NRG1: variants seen among roughly 807,000 people sequenced by gnomAD.
NRG1 encodes pro-neuregulin-1, membrane-bound isoform.
A neutral mutation model predicts 63.8 loss-of-function variants in NRG1; 18 were observed. The ratio of observed to expected loss-of-function variants is 0.28; its 90% confidence interval spans 0.19 to 0.42. NRG1 has a LOEUF of 0.42. NRG1 is among the 10% of genes least tolerant of loss of function. NRG1 has a pLI of 1.00. For missense variants in NRG1, 762 were observed against 814.7 expected (o/e 0.94, Z 0.79); for synonymous variants, 302 against 301.3 (o/e 1.00, Z -0.02).
intron 1 of NRG1, among the ~76,000 whole-genome samples, chr8:32,310,895 G>T (rs1856741438): frequency 6.6e-6 from 1 of 152,106 alleles, no homozygotes; most frequent in African/African-American, 2.4e-5. Flanking sequence ...TCATGTTTTA[G>T]CTCATGCTGT....
chr8:31,942,719 G>C (rs1029387203), intron 1 of NRG1, among the ~76,000 whole-genome samples: 3 of 152,032 alleles, frequency 2.0e-5, no homozygotes, highest in African/African-American at 4.8e-5. Context: ...TCATCAAAAA[G>C]TGGGCTAAAG....
intron 1 of NRG1, among the ~76,000 whole-genome samples, chr8:32,382,351 C>A (rs1251153909): frequency 2.0e-5 from 3 of 152,008 alleles, no homozygotes; most frequent in Admixed American, 6.6e-5. Context: ...ATTATACAAC[C>A]TGTGTAAAGC....
chr8:32,621,304 T>A (rs1848294421), intron 5 of NRG1, among the ~76,000 whole-genome samples: 1 of 152,366 alleles, frequency 6.6e-6, no homozygotes, highest in Non-Finnish European at 1.5e-5. Flanking sequence ...GACTAAAAAC[T>A]TATAAATAAT....
In NRG1 at chr8:31,736,359, A is replaced by G. The variant is rs182321927; in HGVS notation, c.37+96928A>G. 1.1e-4 allele frequency among the ~76,000 whole-genome samples: 17 copies of G among 152,256 alleles called. No homozygotes were observed. The East Asian group carries it at 3.3e-3, about 29-fold the overall frequency. Reference sequence around the variant, plus strand: ...CTTCGCTGACTTCCCTGCATGAGCTAGAATCCACTCTGCACCTGGCAGTCT... The same window carrying G: ...CTTCGCTGACTTCCCTGCATGAGCTGGAATCCACTCTGCACCTGGCAGTCT... On this transcript the variant is annotated intron_variant, in intron 1 of 10. Coordinates refer to the NRG1 transcript ENST00000519301.
At chr8:31,723,739 T>C (rs1448128995) in intron 1 of NRG1, among the ~76,000 whole-genome samples, 1 of 152,172 alleles carries the variant, frequency 6.6e-6, no homozygotes, top group Non-Finnish European at 1.5e-5. Flanking sequence ...TGTATTTTCT[T>C]ACTGTAACTA....
chr8:32,695,230 AC>A (rs1812957112), intron 5 of NRG1, among the ~76,000 whole-genome samples: 1 of 152,018 alleles, frequency 6.6e-6, no homozygotes, highest in Admixed American at 6.6e-5. Context: ...AATCCCAGCT[AC>A]TGAGGAGGCT....
Position 31,700,511 on chromosome 8 carries a change from C to T in NRG1, c.37+61080C>T, listed in dbSNP as rs547147867. Among the ~76,000 whole-genome samples, 6 of 152,134 alleles carry T rather than the reference C, an allele frequency of 3.9e-5. No individual in the cohort carries two copies. In the East Asian group the frequency reaches 5.8e-4, roughly 15 times the overall value. Reference sequence around the variant, plus strand: ...AACAGCTGTTTGTTTGGCTTTCCAGCGGCATGAATATGCCCACATAATCAC... The same window carrying T: ...AACAGCTGTTTGTTTGGCTTTCCAGTGGCATGAATATGCCCACATAATCAC... On this transcript the variant is annotated intron_variant, in intron 1 of 10. Coordinates refer to the NRG1 transcript ENST00000519301.
chr8:32,042,609 C>T (rs866073612), intron 1 of NRG1, among the ~76,000 whole-genome samples: 1 of 152,166 alleles, frequency 6.6e-6, no homozygotes, highest in Middle Eastern at 3.4e-3. Context: ...ACCTGACTGA[C>T]TCTAAAGCAG....
intron 1 of NRG1, among the ~76,000 whole-genome samples, chr8:31,650,940 C>T (rs190141373): frequency 2.6e-5 from 4 of 152,256 alleles, no homozygotes; most frequent in East Asian, 3.9e-4. Flanking sequence ...ATATGCAAAA[C>T]GAGAAGGTAA....
At chr8:32,510,703 C>T (rs1295253102) in intron 1 of NRG1, among the ~76,000 whole-genome samples, 2 of 152,036 alleles carry the variant, frequency 1.3e-5, no homozygotes, top group Non-Finnish European at 2.9e-5. Flanking sequence ...CTCAGCCAGG[C>T]ACCCAGAAGC....
intron 1 of NRG1, among the ~76,000 whole-genome samples, chr8:32,320,950 C>T (rs986801340): frequency 6.6e-6 from 1 of 152,124 alleles, no homozygotes; most frequent in Non-Finnish European, 1.5e-5. Flanking sequence ...AATCAATTTC[C>T]TCCCTAAAAG....
At chr8:32,178,406 T>A (rs2132080241) in intron 1 of NRG1, among the ~76,000 whole-genome samples, 1 of 152,230 alleles carries the variant, frequency 6.6e-6, no homozygotes, top group African/African-American at 2.4e-5. Flanking sequence ...GGTTAGCAGT[T>A]AGAGACCAGC....
chr8:32,167,359 C>CA (rs1466151576), intron 1 of NRG1, among the ~76,000 whole-genome samples: 1 of 152,120 alleles, frequency 6.6e-6, no homozygotes, highest in African/African-American at 2.4e-5. Context: ...ACTTTTATAT[C>CA]CTCAGTGTCT....
At chr8:31,927,377 A>AT (rs916875727) in intron 1 of NRG1, among the ~76,000 whole-genome samples, 14 of 148,924 alleles carry the variant, frequency 9.4e-5, no homozygotes, top group Admixed American at 5.4e-4. Flanking sequence ...AGAAATCTGA[A>AT]TTTTTTTTTC....
intron 1 of NRG1, among the ~76,000 whole-genome samples, chr8:32,151,431 G>T (rs972589825): frequency 5.9e-5 from 9 of 152,090 alleles, no homozygotes; most frequent in Non-Finnish European, 1.3e-4. Context: ...CTTAGCAAAG[G>T]ATTCTGCAAG....
intron 1 of NRG1, among the ~76,000 whole-genome samples, chr8:32,591,874 G>A (rs2129536488): frequency 6.6e-6 from 1 of 152,044 alleles, no homozygotes; most frequent in Middle Eastern, 3.4e-3. Flanking sequence ...AATCATCTGT[G>A]CAGCAAACCC....
At chr8:32,639,722 A>G (rs866044792) in intron 5 of NRG1, among the ~76,000 whole-genome samples, 7 of 152,210 alleles carry the variant, frequency 4.6e-5, no homozygotes, top group African/African-American at 1.7e-4. Flanking sequence ...TATACTGACT[A>G]ACTACATTTC....
intron 1 of NRG1, among the ~76,000 whole-genome samples, chr8:31,791,965 T>C (rs1483038593): frequency 6.6e-6 from 1 of 152,204 alleles, no homozygotes. Context: ...TTCTAGCTCC[T>C]TGGTTGGCTC....
intron 1 of NRG1, among the ~76,000 whole-genome samples, chr8:31,781,643 G>A (rs1033648984): frequency 1.3e-5 from 2 of 152,116 alleles, no homozygotes; most frequent in African/African-American, 4.8e-5. Flanking sequence ...TTGAAATGTG[G>A]TCTAGAATAA....
Sources: gnomAD v4.1 joint callset for allele counts (sites outside exome capture counted in the v4.1 genomes callset) on GRCh38, gnomAD v4.1.1 for gene constraint, MANE v1.5 for transcripts, NCBI Gene and HGNC (gene_info 2026-07-23, HGNC 2026-07-21) for gene names.